The following NT5DC1 variants were observed in gnomAD, a reference collection of about 807,000 sequenced individuals.
NT5DC1 encodes the protein 5'-nucleotidase domain containing 1.
NT5DC1 carries 42 observed loss-of-function variants against 59.4 expected under a neutral mutation model. That is an observed-to-expected ratio of 0.71 (90% CI 0.55 to 0.92). The LOEUF (loss-of-function observed/expected upper bound fraction) is 0.92, where lower values mean the gene tolerates loss of function less well. Among genes scored for constraint, NT5DC1 ranks in the 40% least tolerant of loss-of-function variants. NT5DC1 has a pLI of 0.00. For synonymous variants in NT5DC1, 172 were observed against 188.1 expected, an observed-to-expected ratio of 0.91 and a Z score of 0.70; for missense variants, 501 against 537.1, an observed-to-expected ratio of 0.93 and a Z score of 0.66.
chr6:116,243,853 T>G (rs1771785213), intron 11 of NT5DC1, 56 bp from the exon 12 acceptor site: 1 of 673,802 alleles, frequency 1.5e-6, no homozygotes, highest in Non-Finnish European at 2.6e-6. Flanking sequence ...TTTTGATTTG[T>G]TTATGAAAGG....
chr6:116,120,422 A>G (rs1260164663), intron 6 of NT5DC1: 3 of 1,614,252 alleles, frequency 1.9e-6, no homozygotes, highest in South Asian at 1.1e-5. Flanking sequence ...GGGAGTTCCT[A>G]TTGCTGGGTA....
rs778319839 is a variant in NT5DC1 at position 116,121,309 on chromosome 6, A to G, written c.529+3364A>G. 3.1e-6 allele frequency: 5 copies of G among 1,613,772 alleles called. No individual in the cohort carries two copies. The Middle Eastern group carries it at 8.2e-4, about 266-fold the overall frequency. ...GAATCCCTGGCTGGCCTGGGGCTCC[A>G]GCAGCTCCTGGCTTTCCAATGCCTT... On this transcript the variant is annotated intron_variant, in intron 6 of 11. Coordinates refer to ENST00000319550, the MANE Select transcript of NT5DC1 (RefSeq NM_152729.3).
At chr6:116,105,353 A>G (rs191268808) in intron 1 of NT5DC1, among the ~76,000 whole-genome samples, 1 of 152,218 alleles carries the variant, frequency 6.6e-6, no homozygotes, top group East Asian at 1.9e-4. Context: ...CTTCTCCCTA[A>G]AAGTATGACA....
intron 11 of NT5DC1, among the ~76,000 whole-genome samples, chr6:116,242,893 T>C (rs1050986497): frequency 7.9e-5 from 12 of 152,110 alleles, no homozygotes; most frequent in Non-Finnish European, 1.5e-5. Flanking sequence ...TGTCAAAATC[T>C]CTACTGGTTT....
rs75162378 is a variant in NT5DC1, at chr6:116,225,371, A to G, written c.802+2240A>G. ...GGGGATTATATGAAACCAAATATTG[A>G]GAGAATGTAGATAGGCAAAAGGCCT... is the stretch of plus-strand genomic sequence containing the variant. On this transcript the variant is annotated intron_variant, in intron 8 of 11. Transcript: ENST00000319550. Among the ~76,000 whole-genome samples the G allele has an allele frequency of 5.2e-3, 786 of 152,334 alleles. 4 individuals are homozygous for G. The highest frequency in any genetic ancestry group is 0.018 in the African/African-American group (750 of 41,570).
chr6:116,200,592 T>C (rs1423383480), intron 6 of NT5DC1, among the ~76,000 whole-genome samples: 1 of 152,012 alleles, frequency 6.6e-6, no homozygotes, highest in African/African-American at 2.4e-5. Flanking sequence ...GGTAAGACAC[T>C]ATTATAAGTA....
chr6:116,161,626 A>G (rs1001235408), intron 6 of NT5DC1, among the ~76,000 whole-genome samples: 1 of 152,202 alleles, frequency 6.6e-6, no homozygotes, highest in East Asian at 1.9e-4. Flanking sequence ...TTTTGGTTAC[A>G]TTAGACTTGT....
intron 6 of NT5DC1, among the ~76,000 whole-genome samples, chr6:116,163,616 T>C (rs1402149513): frequency 6.6e-6 from 1 of 152,136 alleles, no homozygotes; most frequent in Non-Finnish European, 1.5e-5. Context: ...GTCTCAATTG[T>C]ATTTAGTTCT....
chr6:116,115,905 A>C (rs1177946588), intron 5 of NT5DC1, 135 bp downstream of exon 5: 5 of 436,302 alleles, frequency 1.1e-5, no homozygotes, highest in Non-Finnish European at 1.7e-5. Flanking sequence ...GGGAAAGAAA[A>C]ACATGGTGAA....
chr6:116,138,091 GAA>G (rs1779659631), intron 6 of NT5DC1, among the ~76,000 whole-genome samples: 1 of 151,968 alleles, frequency 6.6e-6, no homozygotes, highest in Admixed American at 6.6e-5. Context: ...AAAAAGAAAA[GAA>G]AGAAAATGTC....
At chr6:116,176,872 C>CA (rs1397910605) in intron 6 of NT5DC1, among the ~76,000 whole-genome samples, 1 of 152,170 alleles carries the variant, frequency 6.6e-6, no homozygotes, top group Admixed American at 6.6e-5. Context: ...GTGATCTTCT[C>CA]ACTTCTCCAA....
At chr6:116,233,398 GC>G (rs1782054757) in intron 8 of NT5DC1, among the ~76,000 whole-genome samples, 1 of 152,166 alleles carries the variant, frequency 6.6e-6, no homozygotes, top group South Asian at 2.1e-4. Context: ...GATTGTAACA[GC>G]ACTAAATTTG....
intron 6 of NT5DC1, chr6:116,121,408 A>G (rs768444506): frequency 1.2e-6 from 2 of 1,613,726 alleles, no homozygotes; most frequent in South Asian, 1.1e-5. Context: ...GAAAACCTCT[A>G]TCACCTTTGA....
At position 116,114,709 on chromosome 6, in the gene NT5DC1, C is replaced by T. The variant is rs551999830; in HGVS notation, c.365-982C>T. ...AAAGCAGAGTGGTTACTCCTGATCC[C>T]AGTAGTCAGGAGTGAAGGAATGAGA... On this transcript the variant is annotated intron_variant, in intron 4 of 11. Coordinates refer to ENST00000319550, the MANE Select transcript of NT5DC1 (RefSeq NM_152729.3). 4.6e-5 allele frequency among the ~76,000 whole-genome samples: 7 copies of T among 152,150 alleles called. No homozygotes were observed. The East Asian group carries it at 1.4e-3, about 29-fold the overall frequency.
rs1358573360 is a variant in NT5DC1, at chr6:116,247,611, A to G, written c.*3587A>G. 2.0e-5 allele frequency: 3 copies of G among 152,172 alleles called. No homozygotes were observed. The highest frequency in any genetic ancestry group is 7.2e-5 in the African/African-American group (3 of 41,458). 9.4% of individuals were successfully genotyped at this position (152,172 alleles called of 1,614,324 possible). ...GGAAAAGTACATAGACTGCTTGCCAATCAGTTTGTTGTACCATGTACCTGT... is the reference window on the plus strand; with the variant it reads ...GGAAAAGTACATAGACTGCTTGCCAGTCAGTTTGTTGTACCATGTACCTGT... On this transcript the variant is annotated 3_prime_UTR_variant, in exon 12 of 12. Transcript: ENST00000319550.
At chr6:116,213,265 G>T (rs980005343) in intron 6 of NT5DC1, among the ~76,000 whole-genome samples, 6 of 152,052 alleles carry the variant, frequency 3.9e-5, no homozygotes, top group Non-Finnish European at 7.4e-5. Context: ...TGTCCAAGGG[G>T]CTCACTATGT....
At chr6:116,237,112 AGTGCCC>A in intron 9 of NT5DC1, 28 bp downstream of exon 9, 11 of 1,263,566 alleles carry the variant, frequency 8.7e-6, no homozygotes, top group Non-Finnish European at 1.2e-5. Context: ...AGAAGTCCTC[AGTGCCC>A]ACTTGCAGAC....
chr6:116,135,791 T>C (rs1397768501), intron 6 of NT5DC1, among the ~76,000 whole-genome samples: 1 of 146,130 alleles, frequency 6.8e-6, no homozygotes, highest in African/African-American at 2.5e-5. Context: ...TTATAAGTGA[T>C]AAATTAAAAG....
chr6:116,178,499 A>G (rs1254236243), intron 6 of NT5DC1, among the ~76,000 whole-genome samples: 2 of 152,232 alleles, frequency 1.3e-5, no homozygotes, highest in East Asian at 1.9e-4. Context: ...GATTACTGCA[A>G]TGAAGCAGAA....
Sources: allele counts gnomAD v4.1 joint callset (sites outside exome capture counted in the v4.1 genomes callset), GRCh38; gene constraint gnomAD v4.1.1; transcripts MANE v1.5; gene names NCBI Gene and HGNC (gene_info 2026-07-23, HGNC 2026-07-21).